The following PCDHGA2 variants were observed in gnomAD, a reference collection of about 807,000 sequenced individuals.
PCDHGA2 encodes protocadherin gamma subfamily A, 2, also known as protocadherin gamma-A2.
Under a neutral mutation model 59.2 loss-of-function variants are expected in PCDHGA2, and 40 were observed. The observed-to-expected ratio is 0.68, with a 90% CI of 0.52 to 0.88. The LOEUF (loss-of-function observed/expected upper bound fraction) is 0.88, where lower values mean the gene tolerates loss of function less well. PCDHGA2 is among the 40% of genes least tolerant of loss of function. The pLI, the probability that PCDHGA2 is intolerant of heterozygous loss-of-function variation, is 0.00. For synonymous variants in PCDHGA2, 560 were observed against 526.0 expected (o/e 1.06, Z -0.89); for missense variants, 1,226 against 1,204.0 (o/e 1.02, Z -0.27).
intron 1 of PCDHGA2, chr5:141,361,272 T>C: frequency 1.2e-6 from 2 of 1,613,890 alleles, no homozygotes; most frequent in Non-Finnish European, 1.7e-6. Flanking sequence ...CTGGAGAAAA[T>C]GGAGAAGTTT....
intron 1 of PCDHGA2, chr5:141,352,708 G>C: frequency 6.5e-7 from 1 of 1,543,660 alleles, no homozygotes; most frequent in Non-Finnish European, 8.7e-7. Context: ...TATATATGGC[G>C]GCCGGGCGCG....
intron 1 of PCDHGA2, chr5:141,428,275 G>A (rs566455986): frequency 6.5e-6 from 5 of 767,218 alleles, no homozygotes; most frequent in African/African-American, 3.4e-5. Context: ...TGTGCCCTCT[G>A]ATTCCCAAGC....
At chr5:141,460,780 A>G (rs1387522399) in intron 1 of PCDHGA2, among the ~76,000 whole-genome samples, 3 of 152,042 alleles carry the variant, frequency 2.0e-5, no homozygotes, top group Non-Finnish European at 4.4e-5. Context: ...GTATGTATAC[A>G]TATATACACA....
intron 1 of PCDHGA2, among the ~76,000 whole-genome samples, chr5:141,369,122 T>C (rs1766045573): frequency 6.6e-6 from 1 of 152,188 alleles, no homozygotes; most frequent in Non-Finnish European, 1.5e-5. Context: ...GTAAGACACC[T>C]GTCAGAAACA....
intron 1 of PCDHGA2, chr5:141,365,072 A>G: frequency 6.2e-7 from 1 of 1,613,904 alleles, no homozygotes; most frequent in Middle Eastern, 1.6e-4. Context: ...ATCCGAGTAC[A>G]GCGTGAGTGT....
At chr5:141,435,665 A>C (rs1029846055) in intron 1 of PCDHGA2, among the ~76,000 whole-genome samples, 2 of 152,206 alleles carry the variant, frequency 1.3e-5, no homozygotes, top group African/African-American at 4.8e-5. Flanking sequence ...CACAGATTCC[A>C]AGTGTTTTCT....
intron 1 of PCDHGA2, among the ~76,000 whole-genome samples, chr5:141,373,276 G>T (rs1769464753): frequency 6.6e-6 from 1 of 152,204 alleles, no homozygotes; most frequent in Non-Finnish European, 1.5e-5. Flanking sequence ...CACAGATGTT[G>T]CCTATGTCAG....
chr5:141,480,407 C>T (rs906445993), intron 1 of PCDHGA2, among the ~76,000 whole-genome samples: 1 of 139,782 alleles, frequency 7.2e-6, no homozygotes, highest in Admixed American at 7.0e-5. Context: ...AGAGTGAGAC[C>T]CTGTCTCAAA....
intron 1 of PCDHGA2, among the ~76,000 whole-genome samples, chr5:141,443,179 A>G (rs2098370392): frequency 6.6e-6 from 1 of 152,190 alleles, no homozygotes; most frequent in South Asian, 2.1e-4. Flanking sequence ...TGTCCACTGC[A>G]TCATTCTCTA....
chr5:141,415,740 G>GTTTTTTTTTTTTTTTTTTTT (rs57426385), intron 1 of PCDHGA2: 5 of 625,024 alleles, frequency 8.0e-6, no homozygotes, highest in African/African-American at 5.0e-5. Flanking sequence ...GTTTATTAAG[G>GTTTTTTTTTTTTTTTTTTTT]TTTTTTTTTT....
intron 2 of PCDHGA2, 164 bp downstream of exon 2, chr5:141,495,029 G>A: frequency 2.1e-6 from 2 of 968,864 alleles, no homozygotes; most frequent in Non-Finnish European, 2.5e-6. Flanking sequence ...ACAGACCCCG[G>A]AAGGAAGAGG....
At chr5:141,388,270 A>G (rs1387371856) in intron 1 of PCDHGA2, 1 of 1,596,568 alleles carries the variant, frequency 6.3e-7, no homozygotes, top group Non-Finnish European at 8.5e-7. Flanking sequence ...ATTAATGACC[A>G]CACGCCAAAA....
At chr5:141,427,774 G>A (rs760144039) in intron 1 of PCDHGA2, 1 of 1,420,908 alleles carries the variant, frequency 7.0e-7, no homozygotes, top group Non-Finnish European at 9.8e-7. Context: ...TTGGAGCTGC[G>A]GGCACTGTCG....
chr5:141,393,232 T>TA lies in PCDHGA2; in HGVS notation c.2424+51842dup, dbSNP rs774547937. On this transcript the variant is annotated intron_variant, in intron 1 of 3. Coordinates refer to ENST00000394576, the MANE Select transcript of PCDHGA2 (RefSeq NM_018915.4). The stretch of plus-strand genomic sequence containing the variant: ...AAATTCCAGGTCGAAGATCTAGAAG[T>TA]AAAAATTAACGAAATCGCGGTTCCT... The TA allele has an allele frequency of 5.6e-6, 9 of 1,613,542 alleles. No homozygotes were observed. The African/African-American group carries it at 1.2e-4, about 22-fold the overall frequency.
chr5:141,503,362 G>A (rs565902559), intron 2 of PCDHGA2, among the ~76,000 whole-genome samples: 32 of 152,054 alleles, frequency 2.1e-4, no homozygotes, highest in African/African-American at 6.5e-4. Context: ...TTTGGGAAGC[G>A]GAGGCAGGTG....
chr5:141,452,584 T>C (rs992607928), intron 1 of PCDHGA2, among the ~76,000 whole-genome samples: 1 of 152,182 alleles, frequency 6.6e-6, no homozygotes, highest in Non-Finnish European at 1.5e-5. Context: ...TTTCCATCTT[T>C]GTATTTTTAT....
intron 1 of PCDHGA2, chr5:141,375,974 G>T: frequency 6.2e-7 from 1 of 1,613,354 alleles, no homozygotes; most frequent in Non-Finnish European, 8.5e-7. Context: ...CACGGCGCGC[G>T]CCCTGCTGGA....
At chr5:141,362,345 C>A (rs776739300) in intron 1 of PCDHGA2, 1 of 1,614,068 alleles carries the variant, frequency 6.2e-7, no homozygotes, top group East Asian at 2.2e-5. Context: ...AAGCCTGGAC[C>A]TGGGGTTCTC....
At chr5:141,470,173 A>G (rs527296791) in intron 1 of PCDHGA2, among the ~76,000 whole-genome samples, 1 of 152,342 alleles carries the variant, frequency 6.6e-6, no homozygotes, top group South Asian at 2.1e-4. Context: ...AAGTATGCAA[A>G]ATATTCAAGT....
Sources: allele counts gnomAD v4.1 joint callset (sites outside exome capture counted in the v4.1 genomes callset), GRCh38; gene constraint gnomAD v4.1.1; transcripts MANE v1.5; gene names NCBI Gene and HGNC (gene_info 2026-07-23, HGNC 2026-07-21).